The following PCLO variants were observed in gnomAD, a reference collection of about 807,000 sequenced individuals.
The protein encoded by PCLO is piccolo presynaptic cytomatrix protein, also known as protein piccolo.
In PCLO, 82 loss-of-function variants were observed where a neutral mutation model predicts 427.5. That is an observed-to-expected ratio of 0.19 (90% CI 0.16 to 0.23). The LOEUF is 0.23. Among genes scored for constraint, PCLO ranks in the 10% least tolerant of loss-of-function variants. PCLO has a pLI of 1.00. For missense variants in PCLO, 6,239 were observed against 6,115.9 expected, an observed-to-expected ratio of 1.02 and a Z score of -0.67; for synonymous variants, 2,357 against 2,155.4, an observed-to-expected ratio of 1.09 and a Z score of -2.59.
At chr7:82,881,164 G>A (rs1793497655) in intron 9 of PCLO, among the ~76,000 whole-genome samples, 2 of 152,054 alleles carry the variant, frequency 1.3e-5, no homozygotes, top group Non-Finnish European at 1.5e-5. Context: ...ATTGCTTGAG[G>A]CCAGGAGTTC....
intron 4 of PCLO, 109 bp downstream of exon 4, chr7:82,965,662 G>T: frequency 1.5e-6 from 1 of 674,814 alleles, no homozygotes; most frequent in Non-Finnish European, 2.5e-6. Context: ...GTCATTCATT[G>T]TTTGAGGAAC....
In PCLO at chr7:82,914,825, G is replaced by A; in HGVS notation, c.13161C>T (p.Asp4387=). The change falls in exon 7 of 25, where the codon GAC becomes GAT. Residue 4387 remains aspartate (D), a synonymous_variant. Coordinates refer to ENST00000333891, the MANE Select transcript of PCLO (RefSeq NM_033026.6). Reference sequence around the variant, plus strand: ...GGCTTGATCCAAACTGATCCCTGGTGTCTGCAGATATTGGTGGCAGGGGTC... The same window carrying A: ...GGCTTGATCCAAACTGATCCCTGGTATCTGCAGATATTGGTGGCAGGGGTC... ...AAGPLPPISA[D]TRDQFGSSHS... The A allele has an allele frequency of 6.2e-7, 1 of 1,613,506 alleles. No homozygotes were observed. The highest frequency in any genetic ancestry group is 8.5e-7 in the Non-Finnish European group (1 of 1,179,714).
At chr7:83,131,503 G>A (rs560486041) in intron 3 of PCLO, among the ~76,000 whole-genome samples, 25 of 152,224 alleles carry the variant, frequency 1.6e-4, no homozygotes, top group Admixed American at 1.2e-3. Context: ...AAGGGAGAGG[G>A]GGCCAGGGTG....
At chr7:82,898,103 C>G (rs114277755) in intron 9 of PCLO, among the ~76,000 whole-genome samples, 3,097 of 151,548 alleles carry the variant, frequency 0.02, 114 homozygotes, top group African/African-American at 0.071. Flanking sequence ...TGTAAATCGG[C>G]TTAATTTGGA....
chr7:82,938,423 T>G (rs1423058757), intron 6 of PCLO, among the ~76,000 whole-genome samples: 1 of 151,912 alleles, frequency 6.6e-6, no homozygotes. Flanking sequence ...AAGAAAATGC[T>G]TAAAGGTACA....
intron 3 of PCLO, among the ~76,000 whole-genome samples, chr7:83,114,736 T>C (rs574592847): frequency 5.9e-5 from 9 of 152,200 alleles, no homozygotes; most frequent in African/African-American, 2.2e-4. Context: ...CATTAGTTTG[T>C]GTATGTCTTT....
intron 22 of PCLO, among the ~76,000 whole-genome samples, chr7:82,800,041 A>G (rs1382491602): frequency 2.0e-5 from 3 of 152,166 alleles, no homozygotes; most frequent in Non-Finnish European, 4.4e-5. Flanking sequence ...TCAACATATA[A>G]GAGAGAGTTC....
At position 82,955,836 on chromosome 7, in the gene PCLO, T is replaced by G. The variant is rs1795500858; in HGVS notation, c.5117A>C (p.Asp1706Ala). Reference protein sequence around the residue: ...EPELEMESLTDSPEDRSRGEG... With the variant: ...EPELEMESLTASPEDRSRGEG... ...TCCCCTTGACCTATCTTCAGGTGAG[T>G]CTGTCAGGCTTTCCATTTCCAATTC... is the stretch of plus-strand genomic sequence containing the variant. Residue 1706 changes from aspartate to alanine, a missense_variant, in exon 5 of 25, where the codon GAC (aspartate) becomes GCC (alanine). This residue lies in a region of PCLO where 4,677 missense variants were observed against 4,468.4 expected (regional missense o/e 1.05). Transcript: ENST00000333891. 1 of 1,613,872 alleles carries G rather than the reference T, an allele frequency of 6.2e-7. No homozygotes were observed. Among genetic ancestry groups the G allele is most frequent in the Non-Finnish European group, 8.5e-7 (1 of 1,179,850 alleles).
chr7:82,819,652 C>T (rs906072897), intron 20 of PCLO, among the ~76,000 whole-genome samples: 1 of 152,018 alleles, frequency 6.6e-6, no homozygotes, highest in Middle Eastern at 3.2e-3. Context: ...CAGAATTATC[C>T]TAATGTTTAA....
At chr7:82,986,060 A>T (rs1420956915) in intron 3 of PCLO, among the ~76,000 whole-genome samples, 2 of 151,942 alleles carry the variant, frequency 1.3e-5, no homozygotes, top group Non-Finnish European at 2.9e-5. Flanking sequence ...ATTTAGGGTA[A>T]ATCATTTGAT....
chr7:82,807,821 A>G (rs1250145408), intron 20 of PCLO, among the ~76,000 whole-genome samples: 1 of 152,050 alleles, frequency 6.6e-6, no homozygotes, highest in Non-Finnish European at 1.5e-5. Flanking sequence ...ACAATTGACT[A>G]ATTGAACTGA....
At chr7:82,918,670 GT>G (rs1254663213) in intron 6 of PCLO, among the ~76,000 whole-genome samples, 2 of 151,898 alleles carry the variant, frequency 1.3e-5, no homozygotes, top group African/African-American at 2.4e-5. Context: ...CATACTATTT[GT>G]TTTTTCTTAA....
At chr7:83,150,981 ACAC>A (rs1792114663) in intron 2 of PCLO, among the ~76,000 whole-genome samples, 1 of 152,258 alleles carries the variant, frequency 6.6e-6, no homozygotes, top group Admixed American at 6.5e-5. Flanking sequence ...ATGGTGTTTT[ACAC>A]CACAACTGTG....
At chr7:83,029,361 T>C (rs1351445027) in intron 3 of PCLO, among the ~76,000 whole-genome samples, 4 of 149,336 alleles carry the variant, frequency 2.7e-5, no homozygotes, top group African/African-American at 9.9e-5. Context: ...CATGAAAAAA[T>C]GCTCATCATC....
chr7:82,971,008 C>A (rs1290558499), intron 3 of PCLO, among the ~76,000 whole-genome samples: 2 of 151,484 alleles, frequency 1.3e-5, no homozygotes, highest in Non-Finnish European at 3.0e-5. Flanking sequence ...TTTTTTCATT[C>A]TTTAACAAAA....
intron 3 of PCLO, among the ~76,000 whole-genome samples, chr7:83,091,713 A>T (rs978901072): frequency 4.6e-5 from 7 of 152,184 alleles, no homozygotes; most frequent in African/African-American, 9.7e-5. Flanking sequence ...TTTGAGAAAG[A>T]AGGCCAGAGT....
intron 9 of PCLO, among the ~76,000 whole-genome samples, chr7:82,883,456 AAC>A (rs1343787723): frequency 1.3e-5 from 2 of 152,178 alleles, no homozygotes; most frequent in Non-Finnish European, 2.9e-5. Context: ...TATCAAATGA[AAC>A]AGTTTGTTCA....
chr7:82,985,213 G>A (rs1268096659), intron 3 of PCLO, among the ~76,000 whole-genome samples: 1 of 151,964 alleles, frequency 6.6e-6, no homozygotes, highest in African/African-American at 2.4e-5. Context: ...CAATTATAAT[G>A]GCACAGAGGT....
chr7:82,949,465 A>T lies in PCLO; in HGVS notation c.11112+11T>A. On this transcript the variant is annotated intron_variant, in intron 6 of 24. Transcript: ENST00000333891. ...ATCCATTGCCTTCCAACTGAAAAGA[A>T]TCACTCTTACCGTATAGCCCTCGGT... The T allele has an allele frequency of 6.5e-7, 1 of 1,544,412 alleles. No individual in the cohort carries two copies.
Sources: gnomAD v4.1 joint callset for allele counts (sites outside exome capture counted in the v4.1 genomes callset) on GRCh38, gnomAD v4.1.1 for gene constraint, gnomAD v4.1.1 regional missense constraint, MANE v1.5 for transcripts, NCBI Gene and HGNC (gene_info 2026-07-23, HGNC 2026-07-21) for gene names.